The following PPA1 variants were observed in gnomAD, a reference collection of about 807,000 sequenced individuals.
The protein encoded by PPA1 is inorganic pyrophosphatase.
PPA1 carries 23 observed loss-of-function variants against 41.8 expected under a neutral mutation model. The ratio of observed to expected loss-of-function variants is 0.55; its 90% CI spans 0.40 to 0.78. PPA1 has a LOEUF of 0.78. Ranked by LOEUF, PPA1 falls within the 30% of genes least tolerant of loss-of-function variation. The pLI, the probability that PPA1 is intolerant of heterozygous loss-of-function variation, is 0.00. For missense variants in PPA1, 320 were observed against 361.6 expected (o/e 0.89, Z 0.93); for synonymous variants, 101 against 116.8 (o/e 0.86, Z 0.87).
chr10:70,224,989 C>G (rs1193529920), intron 2 of PPA1, among the ~76,000 whole-genome samples: 3 of 152,316 alleles, frequency 2.0e-5, no homozygotes, highest in Middle Eastern at 3.4e-3. Context: ...CCTTGGCCCC[C>G]CAAAGTGTTG....
chr10:70,224,272 T>C (rs1326991000), intron 2 of PPA1, among the ~76,000 whole-genome samples: 1 of 150,974 alleles, frequency 6.6e-6, no homozygotes, highest in Non-Finnish European at 1.5e-5. Flanking sequence ...AAAAAGTCTA[T>C]TTCCCTTCCC....
chr10:70,209,144 A>T, intron 8 of PPA1, 61 bp downstream of exon 8: 1 of 1,268,358 alleles, frequency 7.9e-7, no homozygotes, highest in Non-Finnish European at 1.1e-6. Flanking sequence ...TATGATTATT[A>T]AAACCTTTTC....
Position 70,232,492 on chromosome 10 carries a change from G to A in PPA1, c.64+772C>T, listed in dbSNP as rs576368709. Among the ~76,000 whole-genome samples, 7 of 152,306 alleles carry A rather than the reference G, an allele frequency of 4.6e-5. No homozygotes were observed. The South Asian group carries it at 1.4e-3, about 32-fold the overall frequency. ...GGAGGGCGCCAGCATGCAGCCTCCCGGTTTCCCCGTGCAGCCCTAGGTGCA... is the reference window on the plus strand; with the variant it reads ...GGAGGGCGCCAGCATGCAGCCTCCCAGTTTCCCCGTGCAGCCCTAGGTGCA... On this transcript the variant is annotated intron_variant, in intron 1 of 10. Coordinates refer to ENST00000373232, the MANE Select transcript of PPA1 (RefSeq NM_021129.4).
chr10:70,211,674 G>GT (rs1840021581), intron 6 of PPA1, among the ~76,000 whole-genome samples: 1 of 152,158 alleles, frequency 6.6e-6, no homozygotes, highest in Admixed American at 6.6e-5. Context: ...CCCCGAGAAA[G>GT]TTTTCAGGGT....
Position 70,206,713 on chromosome 10 carries a change from G to A in PPA1, c.726-380C>T, listed in dbSNP as rs552082700. ...ACAAAAATTAGCCGGGCATGGTGGC[G>A]CATGCCTGTAGTCCCAGCTACTCGG... On this transcript the variant is annotated intron_variant, in intron 8 of 10. Transcript: ENST00000373232. Among the ~76,000 whole-genome samples, 29 of 150,828 alleles carry A rather than the reference G, an allele frequency of 1.9e-4. No individual in the cohort carries two copies. The East Asian group carries it at 2.2e-3, about 11-fold the overall frequency.
At chr10:70,219,822 C>A (rs766553036) in intron 2 of PPA1, among the ~76,000 whole-genome samples, 6 of 152,038 alleles carry the variant, frequency 3.9e-5, no homozygotes, top group Non-Finnish European at 7.4e-5. Context: ...GTTAAATATG[C>A]CATAGGTTAT....
chr10:70,231,828 T>A (rs934977421), intron 1 of PPA1, among the ~76,000 whole-genome samples: 1 of 152,206 alleles, frequency 6.6e-6, no homozygotes, highest in Admixed American at 6.5e-5. Context: ...AGGAGTAGCT[T>A]TGGTCTCCCA....
At chr10:70,209,536 A>C (rs746663497) in intron 7 of PPA1, 22 bp downstream of exon 7, 1 of 1,579,760 alleles carries the variant, frequency 6.3e-7, no homozygotes, top group Non-Finnish European at 8.5e-7. Context: ...GCCTAAAGCT[A>C]CAGTTCTGAA....
chr10:70,208,176 G>GC (rs1839969323), intron 8 of PPA1, among the ~76,000 whole-genome samples: 1 of 152,156 alleles, frequency 6.6e-6, no homozygotes, highest in African/African-American at 2.4e-5. Flanking sequence ...GGCAACAAGA[G>GC]CAAGACTCTG....
chr10:70,222,685 T>TA (rs1249713562), intron 2 of PPA1, among the ~76,000 whole-genome samples: 3 of 152,150 alleles, frequency 2.0e-5, no homozygotes, highest in Non-Finnish European at 4.4e-5. Flanking sequence ...ACTTTTTTTT[T>TA]ATTATTATAC....
chr10:70,216,669 A>G (rs1325068852), intron 4 of PPA1, among the ~76,000 whole-genome samples: 1 of 152,204 alleles, frequency 6.6e-6, no homozygotes, highest in Non-Finnish European at 1.5e-5. Flanking sequence ...ACCATTTATC[A>G]ACAGCAAAAA....
chr10:70,210,552 G>A (rs531119602), intron 6 of PPA1: 1 of 735,418 alleles, frequency 1.4e-6, no homozygotes, highest in South Asian at 2.1e-5. Context: ...AAAGTGCACT[G>A]CTTTAAAAAT....
rs774104783 is a variant in PPA1 at position 70,206,259 on chromosome 10, C to T, written c.795+5G>A. On this transcript the variant is annotated splice_donor_5th_base_variant and intron_variant, in intron 9 of 10. Coordinates refer to ENST00000373232, the MANE Select transcript of PPA1 (RefSeq NM_021129.4). ...TGTTTTTTTTTTAAGGAAACTTTTA[C>T]ATACAGCATCCACAATGGCTCTGGC... 1 of 1,605,794 alleles carries T rather than the reference C, an allele frequency of 6.2e-7. No individual in the cohort carries two copies. Among genetic ancestry groups the T allele is most frequent in the East Asian group, 2.2e-5 (1 of 44,822 alleles).
chr10:70,231,028 G>T (rs1204115901), intron 1 of PPA1, among the ~76,000 whole-genome samples: 1 of 152,134 alleles, frequency 6.6e-6, no homozygotes, highest in Non-Finnish European at 1.5e-5. Context: ...GAAGGGAGGG[G>T]ACCACTTTAC....
rs1251912267 is a variant in PPA1, at chr10:70,209,223, T to C, written c.707A>G (p.Asn236Ser). Residue 236 changes from asparagine (N) to serine (S), a missense_variant, in exon 8 of 11, where the codon AAT (asparagine) becomes AGT (serine). By Grantham distance (46) the Asn-to-Ser change is conservative. Transcript: ENST00000373232. Reference sequence around the variant, plus strand: ...CACTTACCAACTGATTCCTTTTCCATTCGTTTTCTTAGTCACTAATGCTTT... The same window carrying C: ...CACTTACCAACTGATTCCTTTTCCACTCGTTTTCTTAGTCACTAATGCTTT... ...HWKALVTKKT[N>S]GKGISCMNTT... is the part of the protein sequence containing the mutation. 1.3e-6 allele frequency: 2 copies of C among 1,597,982 alleles called. No individual in the cohort carries two copies. Among genetic ancestry groups the C allele is most frequent in the Non-Finnish European group, 8.6e-7 (1 of 1,165,438 alleles).
At chr10:70,225,976 C>T (rs555779819) in intron 2 of PPA1, among the ~76,000 whole-genome samples, 4 of 152,234 alleles carry the variant, frequency 2.6e-5, no homozygotes, top group East Asian at 3.9e-4. Context: ...ATACGATGAC[C>T]GAAGTTCACA....
intron 2 of PPA1, among the ~76,000 whole-genome samples, chr10:70,222,676 CTT>C (rs764258594): frequency 6.6e-6 from 1 of 151,308 alleles, no homozygotes; most frequent in African/African-American, 2.4e-5. Context: ...GTTTAGCACA[CTT>C]TTTTTTTATT....
At chr10:70,219,480 T>C (rs1840111712) in intron 2 of PPA1, among the ~76,000 whole-genome samples, 2 of 152,176 alleles carry the variant, frequency 1.3e-5, no homozygotes, top group Admixed American at 1.3e-4. Context: ...CATACTTTAG[T>C]TTATAAGACG....
intron 1 of PPA1, among the ~76,000 whole-genome samples, chr10:70,231,699 A>T (rs1192865193): frequency 3.3e-5 from 5 of 152,284 alleles, no homozygotes; most frequent in Non-Finnish European, 5.9e-5. Context: ...ATTTCTATTA[A>T]GGAAGGATAA....
Sources: gnomAD v4.1 joint callset for allele counts (sites outside exome capture counted in the v4.1 genomes callset) on GRCh38, gnomAD v4.1.1 for gene constraint, MANE v1.5 for transcripts, NCBI Gene and HGNC (gene_info 2026-07-23, HGNC 2026-07-21) for gene names.